Variants in FREM3 observed in about 807,000 individuals in gnomAD.
The protein encoded by FREM3 is FRAS1 related extracellular matrix 3.
Under a neutral mutation model 129.1 loss-of-function variants are expected in FREM3, and 105 were observed. The observed-to-expected ratio is 0.81, with a 90% CI of 0.69 to 0.96. The LOEUF (loss-of-function observed/expected upper bound fraction) is 0.96, where lower values mean the gene tolerates loss of function less well. Ranked by LOEUF, FREM3 falls within the 40% of genes least tolerant of loss-of-function variation. The probability of loss-of-function intolerance (pLI) is 0.00; values close to 1 mark genes in which losing one functional copy is unlikely to be tolerated. For missense variants in FREM3, 2,593 were observed against 2,666.3 expected (o/e 0.97, Z 0.61); for synonymous variants, 1,014 against 1,044.9 (o/e 0.97, Z 0.57).
chr4:143,629,298 G>A (rs906588316), intron 2 of FREM3, among the ~76,000 whole-genome samples: 2 of 152,172 alleles, frequency 1.3e-5, no homozygotes, highest in African/African-American at 4.8e-5. Flanking sequence ...AAAGAGGGAA[G>A]CTGGCCTCAG....
chr4:143,596,204 C>A (rs1022355716), intron 6 of FREM3, among the ~76,000 whole-genome samples: 3 of 152,136 alleles, frequency 2.0e-5, no homozygotes, highest in African/African-American at 7.2e-5. Flanking sequence ...ATGTGGAAAC[C>A]AATTTTAGGC....
chr4:143,651,067 T>C (rs1739502323), intron 2 of FREM3, among the ~76,000 whole-genome samples: 1 of 152,218 alleles, frequency 6.6e-6, no homozygotes, highest in Non-Finnish European at 1.5e-5. Flanking sequence ...TTACTTACTA[T>C]TTAAATAGGG....
chr4:143,699,699 G>T lies in FREM3; in HGVS notation c.977C>A (p.Thr326Lys). The T allele has an allele frequency of 6.6e-7, 1 of 1,520,852 alleles. No individual in the cohort carries two copies. The highest frequency in any genetic ancestry group is 8.8e-7 in the Non-Finnish European group (1 of 1,137,594). 94.2% of individuals were successfully genotyped at this position (1,520,852 alleles called of 1,614,324 possible). A position where few individuals can be genotyped will look rare whatever the true frequency, so the allele number is the denominator to read the frequency against. Residue 326 changes from threonine to lysine, a missense_variant, in exon 1 of 8, where the codon ACG becomes AAG. Coordinates refer to ENST00000329798, the MANE Select transcript of FREM3 (RefSeq NM_001168235.2). The surrounding 1 kb of genome is among the most constrained non-coding windows in gnomAD (Gnocchi z 4.2). The stretch of plus-strand genomic sequence containing the variant: ...GTCCTCCGCGGCCAGTGCGTCAGGC[G>T]TCAGGGCTGTCAGCACCAGTGGATC... ...EVDPLVLTAL[T>K]PDALAAEDVE...
intron 2 of FREM3, among the ~76,000 whole-genome samples, chr4:143,649,748 A>G (rs2149848495): frequency 6.6e-6 from 1 of 152,324 alleles, no homozygotes; most frequent in East Asian, 1.9e-4. Flanking sequence ...ATGAGGCTCC[A>G]TGTACTTGCT....
At chr4:143,601,826 T>C (rs1359005819) in intron 6 of FREM3, 1 of 152,212 alleles carries the variant, frequency 6.6e-6, no homozygotes, top group Non-Finnish European at 1.5e-5. Context: ...TTCTTTGTCT[T>C]ACTCCATGAT....
At chr4:143,655,141 G>T (rs1234244745) in intron 2 of FREM3, among the ~76,000 whole-genome samples, 1 of 152,102 alleles carries the variant, frequency 6.6e-6, no homozygotes, top group Non-Finnish European at 1.5e-5. Context: ...ATCCCTTCCA[G>T]ATATCTTCAT....
intron 6 of FREM3, 34 bp downstream of exon 6, chr4:143,611,245 T>C (rs1237970531): frequency 3.0e-5 from 46 of 1,515,590 alleles, no homozygotes; most frequent in Non-Finnish European, 3.7e-5. Context: ...AAGGCAGCTA[T>C]TGCCAAAGGT....
intron 2 of FREM3, among the ~76,000 whole-genome samples, chr4:143,646,800 A>T (rs72940235): frequency 0.052 from 7,892 of 152,270 alleles, 491 homozygotes; most frequent in East Asian, 0.2. Context: ...GGGTTCTTCT[A>T]TAAAGATACC....
chr4:143,699,689 T>A lies in FREM3; in HGVS notation c.987A>T (p.Ala329=), dbSNP rs574624231. ...CTGACTCGACGTCCTCCGCGGCCAG[T>A]GCGTCAGGCGTCAGGGCTGTCAGCA... ...PLVLTALTPD[A]LAAEDVESDP... Residue 329 remains alanine, a synonymous_variant, in exon 1 of 8, where the codon GCA becomes GCT. Transcript: ENST00000329798. The surrounding 1 kb of genome is among the most constrained non-coding windows in gnomAD (Gnocchi z 4.2). 3 of 1,525,546 alleles carry A rather than the reference T, an allele frequency of 2.0e-6. No individual in the cohort carries two copies. In the South Asian group the frequency reaches 3.6e-5, roughly 19 times the overall value. The allele number at this position is 1,525,546 out of a possible 1,614,324, so 94.5% of individuals were successfully genotyped here. A position where few individuals can be genotyped will look rare whatever the true frequency, so the allele number is the denominator to read the frequency against.
chr4:143,690,446 C>A (rs1740444662), intron 2 of FREM3, among the ~76,000 whole-genome samples: 1 of 152,088 alleles, frequency 6.6e-6, no homozygotes, highest in South Asian at 2.1e-4. Flanking sequence ...CAGCATACAC[C>A]TAATGTCCAG....
intron 2 of FREM3, among the ~76,000 whole-genome samples, chr4:143,632,743 A>C (rs911277711): frequency 6.6e-6 from 1 of 152,176 alleles, no homozygotes; most frequent in African/African-American, 2.4e-5. Context: ...TCCCTGGGCC[A>C]CATTGGAGGA....
intron 6 of FREM3, among the ~76,000 whole-genome samples, chr4:143,606,836 A>G (rs1738676247): frequency 6.6e-6 from 1 of 152,182 alleles, no homozygotes; most frequent in African/African-American, 2.4e-5. Context: ...ACTTACATAC[A>G]AACAACTTAG....
chr4:143,591,999 C>T (rs961910606), intron 6 of FREM3, among the ~76,000 whole-genome samples: 1 of 152,138 alleles, frequency 6.6e-6, no homozygotes, highest in Admixed American at 6.5e-5. Context: ...ATGTAATGGC[C>T]TTCTTTGTCT....
chr4:143,688,651 G>A (rs193154846), intron 2 of FREM3, among the ~76,000 whole-genome samples: 2 of 152,086 alleles, frequency 1.3e-5, no homozygotes, highest in East Asian at 1.9e-4. Flanking sequence ...TCACTAATAC[G>A]GCGTGGTACT....
intron 2 of FREM3, among the ~76,000 whole-genome samples, chr4:143,676,341 AC>A (rs1395757685): frequency 3.3e-5 from 5 of 151,376 alleles, no homozygotes; most frequent in Admixed American, 6.6e-5. Context: ...AAATTCAACA[AC>A]CCTTCATGCT....
intron 7 of FREM3, among the ~76,000 whole-genome samples, chr4:143,579,894 C>T (rs981627771): frequency 2.6e-5 from 4 of 152,316 alleles, no homozygotes; most frequent in East Asian, 3.9e-4. Flanking sequence ...CTATCCCAAG[C>T]ATGAACATTA....
chr4:143,595,778 C>T (rs991187926), intron 6 of FREM3, among the ~76,000 whole-genome samples: 1 of 151,034 alleles, frequency 6.6e-6, no homozygotes, highest in East Asian at 1.9e-4. Context: ...GTCCCAGTTA[C>T]TTGGGAGGCT....
At chr4:143,622,940 G>T (rs1295411625) in intron 4 of FREM3, among the ~76,000 whole-genome samples, 1 of 152,106 alleles carries the variant, frequency 6.6e-6, no homozygotes, top group Non-Finnish European at 1.5e-5. Context: ...CTTCATAACT[G>T]ATTCATGTAT....
chr4:143,620,911 A>C lies in FREM3; in HGVS notation c.5779+126T>G, dbSNP rs144972892. 9.2e-4 allele frequency: 844 copies of C among 915,438 alleles called. 4 individuals are homozygous for C. The African/African-American group carries it at 0.012, about 13-fold the overall frequency. 56.7% of individuals were successfully genotyped at this position (915,438 alleles called of 1,614,324 possible). On this transcript the variant is annotated intron_variant, in intron 5 of 7. Coordinates refer to ENST00000329798, the MANE Select transcript of FREM3 (RefSeq NM_001168235.2). ...AGGGGGTTCGCAGCAGGGCATGGAC[A>C]ATGAGGGGCCCAGGCATCCAGCATC...
Sources: allele counts gnomAD v4.1 joint callset (sites outside exome capture counted in the v4.1 genomes callset), GRCh38; gene constraint gnomAD v4.1.1; non-coding constraint Gnocchi (gnomAD v3.1); transcripts MANE v1.5; gene names NCBI Gene and HGNC (gene_info 2026-07-23, HGNC 2026-07-21).